The following CERS3 variants were observed in gnomAD, a reference collection of about 807,000 sequenced individuals.
The protein encoded by CERS3 is LAG1 homolog, ceramide synthase 3.
In CERS3, 33 loss-of-function variants were observed where a neutral mutation model predicts 50.3. The observed-to-expected ratio is 0.66, with a 90% CI of 0.50 to 0.88. The LOEUF (loss-of-function observed/expected upper bound fraction) is 0.88. Among genes scored for constraint, CERS3 ranks in the 40% least tolerant of loss-of-function variants. The probability of loss-of-function intolerance (pLI) is 0.00; values close to 1 mark genes in which losing one functional copy is unlikely to be tolerated. For synonymous variants in CERS3, 176 were observed against 155.2 expected (o/e 1.13, Z -0.99); for missense variants, 470 against 460.3 (o/e 1.02, Z -0.19).
chr15:100,442,287 A>ATTTCAATATAC (rs1567618155), intron 11 of CERS3, among the ~76,000 whole-genome samples: 1 of 152,148 alleles, frequency 6.6e-6, no homozygotes, highest in Non-Finnish European at 1.5e-5. Context: ...TCTCAATATA[A>ATTTCAATATAC]ATTTTATTAC....
At chr15:100,469,588 A>C in intron 9 of CERS3, 104 bp from the exon 10 acceptor site, 1 of 789,102 alleles carries the variant, frequency 1.3e-6, no homozygotes, top group Non-Finnish European at 2.0e-6. Flanking sequence ...CTTCAAAACA[A>C]TCTGGGTGGA....
At chr15:100,446,456 C>T (rs1403822288) in intron 11 of CERS3, among the ~76,000 whole-genome samples, 1 of 146,616 alleles carries the variant, frequency 6.8e-6, no homozygotes, top group African/African-American at 2.5e-5. Context: ...TGGTAGAAAA[C>T]TCAGAGGTCA....
intron 11 of CERS3, among the ~76,000 whole-genome samples, chr15:100,447,918 C>T (rs1040225386): frequency 6.6e-6 from 1 of 152,080 alleles, no homozygotes; most frequent in African/African-American, 2.4e-5. Context: ...CAAAACAACA[C>T]AAACAAAAAA....
chr15:100,451,402 G>T (rs928378013), intron 11 of CERS3, among the ~76,000 whole-genome samples: 1 of 151,868 alleles, frequency 6.6e-6, no homozygotes, highest in Admixed American at 6.6e-5. Flanking sequence ...TATTTCACCT[G>T]TGAAAACACA....
At position 100,505,557 on chromosome 15, in the gene CERS3, G is replaced by A. The variant is rs959275815; in HGVS notation, c.-1-3707C>T. 2.0e-5 allele frequency among the ~76,000 whole-genome samples: 3 copies of A among 152,166 alleles called. No homozygotes were observed. The East Asian group carries it at 5.8e-4, about 29-fold the overall frequency. On this transcript the variant is annotated intron_variant, in intron 2 of 11. Coordinates refer to ENST00000679737, the MANE Select transcript of CERS3 (RefSeq NM_001378789.1). ...CTGCCACCAAACATCAATTATTGCA[G>A]CTTCAGAAGTATTAAGAACCCATTC...
At chr15:100,414,879 A>C (rs2031777133) in intron 11 of CERS3, among the ~76,000 whole-genome samples, 1 of 150,340 alleles carries the variant, frequency 6.7e-6, no homozygotes, top group South Asian at 2.1e-4. Flanking sequence ...AGGCATGGGC[A>C]GACTTCATGA....
intron 7 of CERS3, 116 bp from the exon 8 acceptor site, chr15:100,476,294 A>G: frequency 5.9e-6 from 3 of 512,264 alleles, no homozygotes; most frequent in Non-Finnish European, 1.0e-5. Context: ...ATAAAATAAC[A>G]TTGACTGATA....
At position 100,484,536 on chromosome 15, in the gene CERS3, C is replaced by G. The variant is rs1337324699; in HGVS notation, c.407+14G>C. ...GGACGGCAGCATTCCTAAAGCTTGG[C>G]CCATCCTCCTTACCAAGCTTCCTGG... On this transcript the variant is annotated intron_variant, in intron 5 of 11. Transcript: ENST00000679737. 2 of 1,550,488 alleles carry G rather than the reference C, an allele frequency of 1.3e-6. No individual in the cohort carries two copies. Among genetic ancestry groups the G allele is most frequent in the Non-Finnish European group, 1.8e-6 (2 of 1,121,786 alleles).
At chr15:100,520,827 C>T (rs9806246) in intron 2 of CERS3, among the ~76,000 whole-genome samples, 1 of 152,072 alleles carries the variant, frequency 6.6e-6, no homozygotes, top group Non-Finnish European at 1.5e-5. Context: ...CAGCTGGTGC[C>T]GGGAGAGCAT....
rs1445955438 is a variant in CERS3 at position 100,497,884 on chromosome 15, CACACACACACA to C, written c.173+3782_173+3792del. Among the ~76,000 whole-genome samples the C allele has an allele frequency of 4.2e-3, 345 of 81,738 alleles. 5 individuals carry two copies. The highest frequency in any genetic ancestry group is 0.013 in the African/African-American group (302 of 22,530). 53.6% of individuals were successfully genotyped at this position (81,738 alleles called of 152,430 possible). A position where few individuals can be genotyped will look rare whatever the true frequency, so the allele number is the denominator to read the frequency against. On this transcript the variant is annotated intron_variant, in intron 3 of 11. Coordinates refer to ENST00000679737, the MANE Select transcript of CERS3 (RefSeq NM_001378789.1). Reference sequence around the variant, plus strand: ...ACACACACACACACACACACACACACACACACACACACTTTTTTTTTTTTTTTTGAGATGGA... The same window carrying C: ...ACACACACACACACACACACACACACCTTTTTTTTTTTTTTTTGAGATGGA...
At chr15:100,526,513 T>TGTGTGTGTGTGTGTGTGTG (rs71151963) in intron 1 of CERS3, among the ~76,000 whole-genome samples, 3 of 151,538 alleles carry the variant, frequency 2.0e-5, no homozygotes, top group Non-Finnish European at 2.9e-5. Flanking sequence ...TGTGTGTGTG[T>TGTGTGTGTGTGTGTGTGTG]AAAAACAACT....
At position 100,492,385 on chromosome 15, in the gene CERS3, T is replaced by C. The variant is rs144496735; in HGVS notation, c.174-1454A>G. ...TACTCCACGTATTTTGGAACTCTGT[T>C]GCTAAGTGTGTATATGTTTACAATT... On this transcript the variant is annotated intron_variant, in intron 3 of 11. Transcript: ENST00000679737. Among the ~76,000 whole-genome samples the C allele has an allele frequency of 1.0e-3, 158 of 152,338 alleles. 1 individual carries two copies. Among genetic ancestry groups the C allele is most frequent in the Non-Finnish European group, 1.6e-3 (111 of 68,024 alleles).
At position 100,479,415 on chromosome 15, in the gene CERS3, A is replaced by T; in HGVS notation, c.516+13T>A. 1.3e-6 allele frequency: 2 copies of T among 1,591,308 alleles called. No individual in the cohort carries two copies. Among genetic ancestry groups the T allele is most frequent in the East Asian group, 2.2e-5 (1 of 44,666 alleles). On this transcript the variant is annotated intron_variant, in intron 7 of 11. Transcript: ENST00000679737. ...GTTCAAGTAAGGGGAGGAATATGTT[A>T]TAGTGGACTTACCTGTTTGGGATAG...
At chr15:100,482,673 C>A in intron 5 of CERS3, among the ~76,000 whole-genome samples, 1 of 152,014 alleles carries the variant, frequency 6.6e-6, no homozygotes, top group East Asian at 1.9e-4. Context: ...ACAAGGGTCA[C>A]CATGAGAGAA....
At chr15:100,520,166 A>C (rs2036601286) in intron 2 of CERS3, among the ~76,000 whole-genome samples, 1 of 152,216 alleles carries the variant, frequency 6.6e-6, no homozygotes, top group Non-Finnish European at 1.5e-5. Context: ...GGCCTGGAGA[A>C]GGCCCAAAGA....
intron 1 of CERS3, chr15:100,544,453 G>A (rs2037302546): frequency 7.1e-6 from 1 of 140,904 alleles, no homozygotes; most frequent in Non-Finnish European, 1.6e-5. Context: ...GCCCTCTCTC[G>A]GCCTAGGTCT....
chr15:100,533,560 CTCTTTT>C (rs1051762140), upstream of CERS3, among the ~76,000 whole-genome samples: 16 of 124,714 alleles, frequency 1.3e-4, no homozygotes, highest in African/African-American at 5.0e-4. Context: ...TTCCCTCTCT[CTCTTTT>C]TTTTTTTTTT....
chr15:100,500,883 A>G (rs1214035102), intron 3 of CERS3, among the ~76,000 whole-genome samples: 1 of 152,220 alleles, frequency 6.6e-6, no homozygotes, highest in Non-Finnish European at 1.5e-5. Flanking sequence ...TTAGTCTTGG[A>G]CAAAATGATC....
rs1567639578 is a variant in CERS3, at chr15:100,467,742, TCATTCTCTCTC to T, written c.845+1625_845+1635del. Reference sequence around the variant, plus strand: ...AATATTATTCTATCAATAATTGCTATCATTCTCTCTCTCTCTCTCTCTCTCTCTATATATAT... The same window carrying T: ...AATATTATTCTATCAATAATTGCTATTCTCTCTCTCTCTCTCTATATATAT... On this transcript the variant is annotated intron_variant, in intron 10 of 11. Coordinates refer to ENST00000679737, the MANE Select transcript of CERS3 (RefSeq NM_001378789.1). Among the ~76,000 whole-genome samples the T allele has an allele frequency of 3.7e-3, 508 of 136,540 alleles. 20 individuals are homozygous for T. In the East Asian group the frequency reaches 0.083, roughly 22 times the overall value. The allele number at this position is 136,540 out of a possible 152,430, so 89.6% of individuals were successfully genotyped here.
Sources: gnomAD v4.1 joint callset for allele counts (sites outside exome capture counted in the v4.1 genomes callset) on GRCh38, gnomAD v4.1.1 for gene constraint, MANE v1.5 for transcripts, NCBI Gene and HGNC (gene_info 2026-07-23, HGNC 2026-07-21) for gene names.